THSD7B: variants seen among roughly 807,000 people sequenced by gnomAD.
The protein encoded by THSD7B is thrombospondin type 1 domain containing 7B.
Under a neutral mutation model 213.6 loss-of-function variants are expected in THSD7B, and 138 were observed. The observed-to-expected ratio is 0.65, with a 90% CI of 0.56 to 0.74. THSD7B has a LOEUF of 0.74. THSD7B is among the 30% of genes least tolerant of loss of function. The pLI is 0.00. For synonymous variants in THSD7B, 742 were observed against 687.0 expected (o/e 1.08, Z -1.25); for missense variants, 1,931 against 1,991.5 (o/e 0.97, Z 0.58).
At position 137,068,260 on chromosome 2, in the gene THSD7B, C is replaced by T. The variant is rs193278268; in HGVS notation, c.950+11030C>T. Among the ~76,000 whole-genome samples, 596 of 152,174 alleles carry T rather than the reference C, an allele frequency of 3.9e-3. 5 individuals are homozygous for T. Among genetic ancestry groups the T allele is most frequent in the African/African-American group, 0.013 (541 of 41,552 alleles). On this transcript the variant is annotated intron_variant, in intron 3 of 27. Coordinates refer to ENST00000409968, the MANE Select transcript of THSD7B (RefSeq NM_001316349.2). ...TGGAAACCAGAAGTCACCATTATCT[C>T]TTCTGAGTTCTAGACAGCGTATTGA...
At chr2:137,673,377 T>C (rs1221731052) in intron 27 of THSD7B, among the ~76,000 whole-genome samples, 1 of 152,180 alleles carries the variant, frequency 6.6e-6, no homozygotes, top group Non-Finnish European at 1.5e-5. Flanking sequence ...GGAAGAATGA[T>C]GAGGCTACAC....
At chr2:136,840,322 T>A (rs1431171402) in intron 1 of THSD7B, among the ~76,000 whole-genome samples, 2 of 152,110 alleles carry the variant, frequency 1.3e-5, no homozygotes, top group African/African-American at 4.8e-5. Flanking sequence ...GAGGTTGCAG[T>A]GAGCTGAGAT....
chr2:137,664,952 C>G (rs1683419881), intron 26 of THSD7B, among the ~76,000 whole-genome samples: 1 of 152,112 alleles, frequency 6.6e-6, no homozygotes, highest in African/African-American at 2.4e-5. Context: ...TTAGCCATAC[C>G]AGAAATGTCT....
chr2:136,904,753 A>G (rs748506753), intron 2 of THSD7B, among the ~76,000 whole-genome samples: 15 of 152,204 alleles, frequency 9.9e-5, no homozygotes, highest in Non-Finnish European at 2.2e-4. Flanking sequence ...ACTGGGAGAT[A>G]ATTCTGAAGG....
chr2:137,282,131 G>C (rs2104819403), intron 12 of THSD7B, among the ~76,000 whole-genome samples: 1 of 152,094 alleles, frequency 6.6e-6, no homozygotes, highest in South Asian at 2.1e-4. Context: ...TTGTGGTTTT[G>C]ATTTGCATTT....
chr2:136,891,451 A>C (rs1048188325), intron 2 of THSD7B, among the ~76,000 whole-genome samples: 4 of 152,184 alleles, frequency 2.6e-5, no homozygotes, highest in Admixed American at 6.5e-5. Flanking sequence ...TATATTTATC[A>C]ATACCCAGAG....
At chr2:137,352,705 C>A (rs183467958) in intron 12 of THSD7B, among the ~76,000 whole-genome samples, 1 of 151,862 alleles carries the variant, frequency 6.6e-6, no homozygotes, top group African/African-American at 2.4e-5. Context: ...TTATGGACCA[C>A]GTGTCAGTGC....
At chr2:136,843,354 C>T (rs1682948124) in intron 1 of THSD7B, among the ~76,000 whole-genome samples, 1 of 152,126 alleles carries the variant, frequency 6.6e-6, no homozygotes, top group South Asian at 2.1e-4. Context: ...TCTGATGATA[C>T]TTATATTAAC....
At chr2:137,634,662 G>T (rs185580579) in intron 20 of THSD7B, among the ~76,000 whole-genome samples, 5 of 152,262 alleles carry the variant, frequency 3.3e-5, no homozygotes, top group African/African-American at 1.2e-4. Context: ...CTTTCTAAAG[G>T]GCATGGTGGC....
At position 137,150,044 on chromosome 2, in the gene THSD7B, C is replaced by T. The variant is rs552275255; in HGVS notation, c.1370-10169C>T. Among the ~76,000 whole-genome samples the T allele has an allele frequency of 1.3e-3, 192 of 152,080 alleles. 1 individual carries two copies. The highest frequency in any genetic ancestry group is 4.2e-3 in the African/African-American group (173 of 41,494). ...ATCACCTGAGGTCAGGAGTTCGAGA[C>T]CAGCCTGACCAACATGGAGAAAACA... On this transcript the variant is annotated intron_variant, in intron 5 of 27. Coordinates refer to ENST00000409968, the MANE Select transcript of THSD7B (RefSeq NM_001316349.2).
At chr2:137,260,795 C>G (rs1573917876) in intron 10 of THSD7B, among the ~76,000 whole-genome samples, 1 of 152,084 alleles carries the variant, frequency 6.6e-6, no homozygotes, top group East Asian at 1.9e-4. Flanking sequence ...AACCTTTCAG[C>G]AGAGGTTCTC....
chr2:137,484,624 T>G (rs1265442786), intron 15 of THSD7B, among the ~76,000 whole-genome samples: 1 of 83,400 alleles, frequency 1.2e-5, no homozygotes, highest in African/African-American at 5.0e-5. Flanking sequence ...TGAACTAGTT[T>G]ACAGTCCCAC....
chr2:137,014,659 G>A (rs897632039), intron 2 of THSD7B, among the ~76,000 whole-genome samples: 2 of 152,174 alleles, frequency 1.3e-5, no homozygotes, highest in African/African-American at 2.4e-5. Flanking sequence ...TGTTGGGGTT[G>A]GTCTGTTCTT....
chr2:137,151,346 G>T (rs1415641494), intron 5 of THSD7B, among the ~76,000 whole-genome samples: 1 of 150,380 alleles, frequency 6.6e-6, no homozygotes, highest in Admixed American at 6.6e-5. Flanking sequence ...AAACTTCTTT[G>T]TTAAAAACTA....
chr2:137,363,348 A>C (rs1248375913), intron 12 of THSD7B, among the ~76,000 whole-genome samples: 5 of 152,078 alleles, frequency 3.3e-5, no homozygotes, highest in African/African-American at 1.2e-4. Flanking sequence ...AGAGCAAACA[A>C]ATTCAAAAGC....
intron 1 of THSD7B, among the ~76,000 whole-genome samples, chr2:136,777,272 A>G (rs1001856815): frequency 6.6e-6 from 1 of 152,194 alleles, no homozygotes; most frequent in Non-Finnish European, 1.5e-5. Flanking sequence ...AAGTTCATGT[A>G]TAGTACATGA....
intron 15 of THSD7B, among the ~76,000 whole-genome samples, chr2:137,473,958 T>G (rs1486323048): frequency 6.6e-6 from 1 of 152,180 alleles, no homozygotes; most frequent in Non-Finnish European, 1.5e-5. Flanking sequence ...AAACTGCATT[T>G]TCCTCTTAGA....
intron 15 of THSD7B, among the ~76,000 whole-genome samples, chr2:137,502,270 A>G (rs1410521393): frequency 7.4e-6 from 1 of 135,448 alleles, no homozygotes; most frequent in Non-Finnish European, 1.7e-5. Context: ...TAACTATGCA[A>G]CATAAATCCT....
intron 15 of THSD7B, among the ~76,000 whole-genome samples, chr2:137,456,101 GA>G (rs1385711335): frequency 6.6e-6 from 1 of 152,174 alleles, no homozygotes; most frequent in Non-Finnish European, 1.5e-5. Flanking sequence ...GTTTGCAACT[GA>G]ATGAGAGTAT....
Sources: allele counts gnomAD v4.1 joint callset (sites outside exome capture counted in the v4.1 genomes callset), GRCh38; gene constraint gnomAD v4.1.1; transcripts MANE v1.5; gene names NCBI Gene and HGNC (gene_info 2026-07-23, HGNC 2026-07-21).